Variants in CACNA1E observed in about 807,000 individuals in gnomAD.
The protein encoded by CACNA1E is calcium voltage-gated channel subunit alpha1 E.
Under a neutral mutation model 259.2 loss-of-function variants are expected in CACNA1E, and 40 were observed. That is an observed-to-expected ratio of 0.15 (90% CI 0.12 to 0.20). The LOEUF is 0.20. CACNA1E is among the 10% of genes least tolerant of loss of function. CACNA1E has a pLI of 1.00. For missense variants in CACNA1E, 1,874 were observed against 3,040.1 expected (o/e 0.62, Z 9.02); for synonymous variants, 1,104 against 1,138.5 (o/e 0.97, Z 0.61).
At chr1:181,714,335 G>A (rs1043861332) in intron 8 of CACNA1E, among the ~76,000 whole-genome samples, 7 of 152,290 alleles carry the variant, frequency 4.6e-5, no homozygotes, top group Admixed American at 4.6e-4. Flanking sequence ...GGCAGGGTAT[G>A]GTGGTGGGGA....
At chr1:181,788,484 T>G (rs1449195998) in intron 43 of CACNA1E, among the ~76,000 whole-genome samples, 1 of 152,244 alleles carries the variant, frequency 6.6e-6, no homozygotes, top group Non-Finnish European at 1.5e-5. Context: ...TTACTTACAG[T>G]TCTGATAAGT....
intron 3 of CACNA1E, among the ~76,000 whole-genome samples, chr1:181,546,200 CGTG>C (rs1363780589): frequency 6.6e-6 from 1 of 152,118 alleles, no homozygotes; most frequent in Non-Finnish European, 1.5e-5. Context: ...AGCCTGGCAG[CGTG>C]TGCCATCCCT....
chr1:181,763,847 A>G (rs1199326984), intron 34 of CACNA1E, among the ~76,000 whole-genome samples: 1 of 152,238 alleles, frequency 6.6e-6, no homozygotes, highest in East Asian at 1.9e-4. Context: ...GATTCCAGAC[A>G]GTCCTGAGTA....
chr1:181,755,214 A>C, intron 27 of CACNA1E, 23 bp from the exon 28 acceptor site: 12 of 1,606,784 alleles, frequency 7.5e-6, no homozygotes, highest in Non-Finnish European at 1.0e-5. Flanking sequence ...TTCACACAGC[A>C]GGGCTGTTTG....
intron 6 of CACNA1E, among the ~76,000 whole-genome samples, chr1:181,613,853 G>GT (rs113029696): frequency 1.3e-5 from 2 of 152,150 alleles, no homozygotes; most frequent in East Asian, 3.8e-4. Context: ...CCTCGATGAT[G>GT]TTTTTTCACT....
intron 7 of CACNA1E, among the ~76,000 whole-genome samples, chr1:181,655,264 A>C (rs1659116431): frequency 6.6e-6 from 1 of 152,196 alleles, no homozygotes; most frequent in Non-Finnish European, 1.5e-5. Flanking sequence ...ATACACACTG[A>C]AAACTCAGCA....
chr1:181,327,556 G>A (rs1037890776), intron 1 of CACNA1E, among the ~76,000 whole-genome samples: 1 of 152,156 alleles, frequency 6.6e-6, no homozygotes, highest in African/African-American at 2.4e-5. Flanking sequence ...TTTCCCCCCA[G>A]GGTGAAGACT....
intron 34 of CACNA1E, 68 bp from the exon 35 acceptor site, chr1:181,766,468 TACTGCCGGTG>T: frequency 1.0e-6 from 1 of 984,048 alleles, no homozygotes; most frequent in Non-Finnish European, 1.6e-6. Context: ...CAAGATCCTG[TACTGCCGGTG>T]ACTGCAGGTT....
At chr1:181,644,260 G>T (rs1658060839) in intron 6 of CACNA1E, among the ~76,000 whole-genome samples, 1 of 152,182 alleles carries the variant, frequency 6.6e-6, no homozygotes, top group Admixed American at 6.5e-5. Flanking sequence ...TTTGCAAGAA[G>T]TTGACCCATT....
intron 3 of CACNA1E, among the ~76,000 whole-genome samples, chr1:181,541,553 G>A (rs549016020): frequency 1.3e-5 from 2 of 152,054 alleles, no homozygotes; most frequent in South Asian, 2.1e-4. Flanking sequence ...AGTTGAGAAC[G>A]GCCTAATTAG....
At chr1:181,619,810 G>T (rs1338787324) in intron 6 of CACNA1E, among the ~76,000 whole-genome samples, 1 of 152,126 alleles carries the variant, frequency 6.6e-6, no homozygotes, top group Non-Finnish European at 1.5e-5. Flanking sequence ...AAGGCTTTTG[G>T]CTTGAGCAGC....
At chr1:181,616,025 G>A (rs986185069) in intron 6 of CACNA1E, among the ~76,000 whole-genome samples, 5 of 152,122 alleles carry the variant, frequency 3.3e-5, no homozygotes, top group Admixed American at 2.0e-4. Flanking sequence ...TTAATATAGT[G>A]AATCACATTG....
rs970535735 is a variant in CACNA1E, at chr1:181,485,042, A to T, written c.266+1032A>T. Among the ~76,000 whole-genome samples the T allele has an allele frequency of 4.6e-5, 7 of 152,230 alleles. No individual in the cohort carries two copies. The highest frequency in any genetic ancestry group is 1.7e-4 in the African/African-American group (7 of 41,468). On this transcript the variant is annotated intron_variant, in intron 1 of 47. Transcript: ENST00000367573. The surrounding 1 kb of genome is among the most constrained non-coding windows in gnomAD (Gnocchi z 4.2). Reference sequence around the variant, plus strand: ...TAAGGATTGGACGCCTGGCAAGGCCATTGGGAATTGGGGGTGGTGAGGCAG... The same window carrying T: ...TAAGGATTGGACGCCTGGCAAGGCCTTTGGGAATTGGGGGTGGTGAGGCAG...
intron 7 of CACNA1E, among the ~76,000 whole-genome samples, chr1:181,683,037 T>G (rs985745461): frequency 6.6e-6 from 1 of 152,202 alleles, no homozygotes; most frequent in Non-Finnish European, 1.5e-5. Context: ...CCCAGTTCCT[T>G]CCATAGAATT....
At chr1:181,387,090 G>C (rs184127161) in intron 1 of CACNA1E, among the ~76,000 whole-genome samples, 2 of 152,138 alleles carry the variant, frequency 1.3e-5, no homozygotes, top group Non-Finnish European at 2.9e-5. Context: ...CCAGCCCTCC[G>C]AGAGTACACA....
rs1664032153 is a variant in CACNA1E at position 181,488,369 on chromosome 1, T to C, written c.266+4359T>C. Reference sequence around the variant, plus strand: ...GTAATTATATCCTATGATCAGATAATGCAGAGGGGTTCATATCTTCTGTGT... The same window carrying C: ...GTAATTATATCCTATGATCAGATAACGCAGAGGGGTTCATATCTTCTGTGT... On this transcript the variant is annotated intron_variant, in intron 1 of 47. Coordinates refer to ENST00000367573, the MANE Select transcript of CACNA1E (RefSeq NM_001205293.3). Among the ~76,000 whole-genome samples, 3 of 152,232 alleles carry C rather than the reference T, an allele frequency of 2.0e-5. No individual in the cohort carries two copies. The South Asian group carries it at 6.2e-4, about 31-fold the overall frequency.
rs116111824 is a variant in CACNA1E, at chr1:181,344,843, C to T, written c.-15+26720C>T. Among the ~76,000 whole-genome samples the T allele has an allele frequency of 1.2e-3, 180 of 152,358 alleles. 1 individual carries two copies. The highest frequency in any genetic ancestry group is 4.2e-3 in the African/African-American group (174 of 41,584). On this transcript the variant is annotated intron_variant, in intron 1 of 11. Transcript: ENST00000524607. ...TTCTTTTAATTACCTGCTGGCAAAG[C>T]CCCAGTTGCCTCTGGTTTACACTGG...
At chr1:181,356,312 A>G (rs1387606793) in intron 1 of CACNA1E, among the ~76,000 whole-genome samples, 1 of 151,824 alleles carries the variant, frequency 6.6e-6, no homozygotes, top group African/African-American at 2.4e-5. Flanking sequence ...CTCTCCAGCC[A>G]CTGTATTCCC....
chr1:181,515,623 G>A (rs996592293), intron 3 of CACNA1E, among the ~76,000 whole-genome samples: 1 of 152,148 alleles, frequency 6.6e-6, no homozygotes, highest in South Asian at 2.1e-4. Context: ...TTAAACACTT[G>A]TCAGGCCACC....
Sources: gnomAD v4.1 joint callset for allele counts (sites outside exome capture counted in the v4.1 genomes callset) on GRCh38, gnomAD v4.1.1 for gene constraint, Gnocchi (gnomAD v3.1) non-coding constraint, MANE v1.5 for transcripts, NCBI Gene and HGNC (gene_info 2026-07-23, HGNC 2026-07-21) for gene names.